Variants in ARHGAP42 observed in about 807,000 individuals in gnomAD.
ARHGAP42 encodes the protein Rho GTPase activating protein 42, also known as rho GTPase-activating protein 42.
In ARHGAP42, 63 loss-of-function variants were observed where a neutral mutation model predicts 125.0. That is an observed-to-expected ratio of 0.50 (90% CI 0.41 to 0.62). ARHGAP42 has a LOEUF of 0.62. Ranked by LOEUF, ARHGAP42 falls within the 20% of genes least tolerant of loss-of-function variation. ARHGAP42 has a pLI of 0.00. For missense variants in ARHGAP42, 766 were observed against 1,024.2 expected, an observed-to-expected ratio of 0.75 and a Z score of 3.44; for synonymous variants, 339 against 351.0, an observed-to-expected ratio of 0.97 and a Z score of 0.38.
intron 3 of ARHGAP42, among the ~76,000 whole-genome samples, chr11:100,825,062 T>C (rs925922498): frequency 1.3e-5 from 2 of 152,214 alleles, no homozygotes. Context: ...GAAATAGTAA[T>C]GGCAATGGAA....
chr11:100,737,045 A>C (rs1311090060), intron 1 of ARHGAP42, among the ~76,000 whole-genome samples: 3 of 152,238 alleles, frequency 2.0e-5, no homozygotes, highest in Non-Finnish European at 4.4e-5. Context: ...AAAAAGGAAG[A>C]GATAACTATT....
chr11:100,857,471 T>G (rs964956185), intron 3 of ARHGAP42, among the ~76,000 whole-genome samples: 1 of 152,118 alleles, frequency 6.6e-6, no homozygotes, highest in African/African-American at 2.4e-5. Context: ...GCCCATCTAC[T>G]CCCTTTCACA....
chr11:100,943,051 G>T (rs781510754), intron 9 of ARHGAP42, among the ~76,000 whole-genome samples: 1 of 152,090 alleles, frequency 6.6e-6, no homozygotes, highest in Non-Finnish European at 1.5e-5. Flanking sequence ...GAATTCCTAT[G>T]AATGTGGCCT....
chr11:100,841,096 G>A (rs1480427404), intron 3 of ARHGAP42, among the ~76,000 whole-genome samples: 1 of 152,136 alleles, frequency 6.6e-6, no homozygotes, highest in African/African-American at 2.4e-5. Flanking sequence ...ACACTTTTGT[G>A]TAACGAGGCA....
intron 4 of ARHGAP42, among the ~76,000 whole-genome samples, chr11:100,903,712 ATATATATATATATATATATATATAT>A (rs1866632536): frequency 3.0e-5 from 1 of 33,432 alleles, no homozygotes; most frequent in African/African-American, 7.6e-5. Context: ...CCCTCAAAAT[ATATATATATATATATATATATATAT>A]ATATATATAT....
At chr11:100,828,742 C>T (rs1459334404) in intron 3 of ARHGAP42, among the ~76,000 whole-genome samples, 1 of 150,448 alleles carries the variant, frequency 6.6e-6, no homozygotes, top group South Asian at 2.1e-4. Flanking sequence ...GGCTGGAGTG[C>T]AGTGGCATGA....
intron 4 of ARHGAP42, among the ~76,000 whole-genome samples, chr11:100,869,085 G>C (rs1039734187): frequency 2.0e-5 from 3 of 151,922 alleles, no homozygotes; most frequent in Admixed American, 6.6e-5. Context: ...TCAGCACGGA[G>C]ACAACAACAA....
At chr11:100,721,766 GC>G (rs1487591107) in intron 1 of ARHGAP42, among the ~76,000 whole-genome samples, 2 of 152,142 alleles carry the variant, frequency 1.3e-5, no homozygotes, top group Non-Finnish European at 2.9e-5. Context: ...GAGCCACCAT[GC>G]CTGGCCAGCT....
chr11:100,911,703 A>T (rs1384244303), intron 4 of ARHGAP42, among the ~76,000 whole-genome samples: 1 of 152,180 alleles, frequency 6.6e-6, no homozygotes, highest in Non-Finnish European at 1.5e-5. Context: ...CTACTCCAAC[A>T]GTGAGTGGAG....
chr11:100,913,582 A>C (rs1565273199), intron 5 of ARHGAP42, 29 bp downstream of exon 5: 2 of 1,190,442 alleles, frequency 1.7e-6, no homozygotes, highest in Non-Finnish European at 2.2e-6. Flanking sequence ...AATAATGGAA[A>C]AGGCATTAAG....
intron 3 of ARHGAP42, among the ~76,000 whole-genome samples, chr11:100,857,286 A>G (rs1306506298): frequency 6.6e-6 from 1 of 152,160 alleles, no homozygotes; most frequent in Non-Finnish European, 1.5e-5. Flanking sequence ...AATGTGGAAG[A>G]AATAGAGATA....
At chr11:100,983,797 G>A (rs982230025) in intron 22 of ARHGAP42, among the ~76,000 whole-genome samples, 3 of 152,244 alleles carry the variant, frequency 2.0e-5, no homozygotes, top group African/African-American at 7.2e-5. Context: ...AACAGCCAGT[G>A]TTTGTTGGAA....
chr11:100,906,555 A>G (rs1218227926), intron 4 of ARHGAP42, among the ~76,000 whole-genome samples: 1 of 139,348 alleles, frequency 7.2e-6, no homozygotes, highest in Non-Finnish European at 1.5e-5. Flanking sequence ...CAGTGTACAT[A>G]TTGGGCCATT....
In ARHGAP42 at chr11:100,962,327, T is replaced by C. The variant is rs1252000625; in HGVS notation, c.1386-82T>C. On this transcript the variant is annotated intron_variant, in intron 15 of 23. Coordinates refer to ENST00000298815, the MANE Select transcript of ARHGAP42 (RefSeq NM_152432.4). ...TTTTAATTGATGAATAACAGTCACCTAATTCTTAAAGAAACACTTAACGTT... is the reference window on the plus strand; with the variant it reads ...TTTTAATTGATGAATAACAGTCACCCAATTCTTAAAGAAACACTTAACGTT... 7.4e-6 allele frequency: 8 copies of C among 1,088,186 alleles called. No homozygotes were observed. The African/African-American group carries it at 9.6e-5, about 13-fold the overall frequency. 67.4% of individuals were successfully genotyped at this position (1,088,186 alleles called of 1,614,324 possible).
intron 2 of ARHGAP42, among the ~76,000 whole-genome samples, chr11:100,787,851 C>T (rs1863472621): frequency 6.6e-6 from 1 of 152,100 alleles, no homozygotes; most frequent in Non-Finnish European, 1.5e-5. Flanking sequence ...CCAATGGATT[C>T]CAAAGTAGGA....
intron 4 of ARHGAP42, among the ~76,000 whole-genome samples, chr11:100,864,797 T>C (rs1341357743): frequency 6.6e-6 from 1 of 152,174 alleles, no homozygotes; most frequent in Non-Finnish European, 1.5e-5. Flanking sequence ...GTTATCAAAA[T>C]GTTTCAAATA....
intron 3 of ARHGAP42, among the ~76,000 whole-genome samples, chr11:100,813,816 A>G (rs1864202981): frequency 6.6e-6 from 1 of 152,234 alleles, no homozygotes; most frequent in Non-Finnish European, 1.5e-5. Context: ...AAACTAAAAT[A>G]CAAATACTTT....
At chr11:100,791,741 ACTC>A (rs1863573185) in intron 2 of ARHGAP42, among the ~76,000 whole-genome samples, 1 of 151,462 alleles carries the variant, frequency 6.6e-6, no homozygotes, top group African/African-American at 2.4e-5. Flanking sequence ...GTCTCAGAAA[ACTC>A]CTGGAGGGAG....
intron 4 of ARHGAP42, among the ~76,000 whole-genome samples, chr11:100,883,946 G>A (rs539111547): frequency 5.9e-5 from 9 of 152,278 alleles, no homozygotes; most frequent in African/African-American, 2.2e-4. Context: ...ACAATGCTGA[G>A]CAATTCAATG....
Sources: allele counts gnomAD v4.1 joint callset (sites outside exome capture counted in the v4.1 genomes callset), GRCh38; gene constraint gnomAD v4.1.1; transcripts MANE v1.5; gene names NCBI Gene and HGNC (gene_info 2026-07-23, HGNC 2026-07-21).